SLC12A9: variants seen among roughly 807,000 people sequenced by gnomAD.
SLC12A9 encodes solute carrier family 12 member 9.
SLC12A9 carries 55 observed loss-of-function variants against 66.0 expected under a neutral mutation model. The observed-to-expected ratio is 0.83, with a 90% CI of 0.67 to 1.04. SLC12A9 has a LOEUF of 1.04. SLC12A9 is among the 50% of genes least tolerant of loss of function. SLC12A9 has a pLI of 0.00. For synonymous variants in SLC12A9, 577 were observed against 569.0 expected (o/e 1.01, Z -0.20); for missense variants, 1,061 against 1,241.9 (o/e 0.85, Z 2.19).
At position 100,861,346 on chromosome 7, in the gene SLC12A9, G is replaced by A. The variant is rs1187149054; in HGVS notation, c.1344-46G>A. Reference sequence around the variant, plus strand: ...GGGGCTGGGGACTGCAGCCTCGTGTGCGGCCTGCCCTGAGTTTCTGTCCCT... The same window carrying A: ...GGGGCTGGGGACTGCAGCCTCGTGTACGGCCTGCCCTGAGTTTCTGTCCCT... On this transcript the variant is annotated intron_variant, in intron 10 of 13. Transcript: ENST00000354161. This position sits in a 1 kb window ranked among gnomAD's most constrained non-coding sequence, Gnocchi z 5.3. The A allele has an allele frequency of 2.5e-6, 4 of 1,611,488 alleles. No individual in the cohort carries two copies. Among genetic ancestry groups the A allele is most frequent in the South Asian group, 2.2e-5 (2 of 91,034 alleles).
chr7:100,827,584 A>T (rs1313105933), intron 1 of SLC12A9: 1 of 152,352 alleles, frequency 6.6e-6, no homozygotes, highest in Non-Finnish European at 1.5e-5. Context: ...CAGCTCTCCC[A>T]ACGCGGGGGC....
chr7:100,839,208 C>G (rs1176599798), intron 1 of SLC12A9, among the ~76,000 whole-genome samples: 1 of 152,062 alleles, frequency 6.6e-6, no homozygotes, highest in Non-Finnish European at 1.5e-5. Flanking sequence ...GCCTGTAGTC[C>G]CAGCTACTCA....
chr7:100,856,760 C>T, intron 4 of SLC12A9, 108 bp from the exon 5 acceptor site: 1 of 1,129,168 alleles, frequency 8.9e-7, no homozygotes, highest in South Asian at 1.5e-5. Context: ...AATCCTCCCA[C>T]CTCGGCCTCC....
At chr7:100,854,504 G>T in intron 2 of SLC12A9, 116 bp from the exon 3 acceptor site, 1 of 1,595,512 alleles carries the variant, frequency 6.3e-7, no homozygotes. Context: ...TGAAGGGTTT[G>T]GGGAGGGGCT....
intron 1 of SLC12A9, among the ~76,000 whole-genome samples, chr7:100,843,300 T>A (rs574899899): frequency 2.6e-5 from 4 of 152,372 alleles, no homozygotes; most frequent in Admixed American, 6.5e-5. Context: ...CCATGAGGAA[T>A]ACCAGATCAA....
chr7:100,829,521 G>T (rs963532581), intron 1 of SLC12A9, among the ~76,000 whole-genome samples: 15 of 151,950 alleles, frequency 9.9e-5, no homozygotes. Flanking sequence ...GTTGGGGGGG[G>T]TGGGCCGGTC....
Position 100,861,655 on chromosome 7 carries a change from T to A in SLC12A9, c.1536+71T>A. Reference sequence around the variant, plus strand: ...GAACCCCCTCTCTCTTTGGCTGGAGTTGGTGCTCCCGTCCAGGAGGCGCTG... The same window carrying A: ...GAACCCCCTCTCTCTTTGGCTGGAGATGGTGCTCCCGTCCAGGAGGCGCTG... On this transcript the variant is annotated intron_variant, in intron 11 of 13. Transcript: ENST00000354161. The surrounding 1 kb of genome is among the most constrained non-coding windows in gnomAD (Gnocchi z 5.3). 1 of 1,607,364 alleles carries A rather than the reference T, an allele frequency of 6.2e-7. No individual in the cohort carries two copies. Among genetic ancestry groups the A allele is most frequent in the Non-Finnish European group, 8.5e-7 (1 of 1,174,596 alleles).
chr7:100,858,591 A>T, intron 5 of SLC12A9: 1 of 401,410 alleles, frequency 2.5e-6, no homozygotes. Context: ...CCCTGTCTCT[A>T]AAAAATAAAT....
At chr7:100,860,628 G>A (rs1814689082) in intron 9 of SLC12A9, 1 of 361,324 alleles carries the variant, frequency 2.8e-6, no homozygotes, top group African/African-American at 2.1e-5. Flanking sequence ...TACTTTGGAG[G>A]TTTGGTGGCA....
At chr7:100,856,023 C>A in intron 4 of SLC12A9, 186 bp downstream of exon 4, 1 of 860,794 alleles carries the variant, frequency 1.2e-6, no homozygotes, top group Non-Finnish European at 1.6e-6. Context: ...TCCTTGCCTG[C>A]AGGGAGCTAA....
intron 1 of SLC12A9, among the ~76,000 whole-genome samples, chr7:100,845,208 G>A (rs907145920): frequency 1.3e-5 from 2 of 150,696 alleles, no homozygotes; most frequent in Admixed American, 1.3e-4. Flanking sequence ...TTCCAAAGTT[G>A]CGGACCGTTT....
intron 1 of SLC12A9, among the ~76,000 whole-genome samples, chr7:100,830,385 TCATCTTAGTGGGG>T (rs1192271359): frequency 6.6e-6 from 1 of 151,346 alleles, no homozygotes; most frequent in Non-Finnish European, 1.5e-5. Context: ...TAGAAAACAC[TCATCTTAGTGGGG>T]CACAGTGACT....
intron 13 of SLC12A9, among the ~76,000 whole-genome samples, chr7:100,864,622 C>G: frequency 6.6e-6 from 1 of 152,164 alleles, no homozygotes; most frequent in East Asian, 1.9e-4. Flanking sequence ...GTGGTTGCCA[C>G]GTGCCCAGCT....
At chr7:100,858,460 C>T (rs1022853845) in intron 5 of SLC12A9, 2 of 171,902 alleles carry the variant, frequency 1.2e-5, no homozygotes, top group African/African-American at 4.8e-5. Flanking sequence ...CATGGTGGTG[C>T]ACACCTGTAG....
intron 5 of SLC12A9, 23 bp from the exon 6 acceptor site, chr7:100,858,812 C>T (rs764097508): frequency 1.9e-6 from 3 of 1,612,446 alleles, no homozygotes; most frequent in East Asian, 2.2e-5. Flanking sequence ...GATGCACTCT[C>T]CTCCCTGGGA....
At chr7:100,836,093 C>CA (rs1471349526) in intron 1 of SLC12A9, among the ~76,000 whole-genome samples, 1 of 152,218 alleles carries the variant, frequency 6.6e-6, no homozygotes, top group Non-Finnish European at 1.5e-5. Flanking sequence ...CAAGCCCCCC[C>CA]ATGCCAGCAG....
intron 1 of SLC12A9, among the ~76,000 whole-genome samples, chr7:100,844,502 C>T (rs1813861980): frequency 6.6e-6 from 1 of 152,118 alleles, no homozygotes; most frequent in African/African-American, 2.4e-5. Context: ...AGGTGTAGTT[C>T]TCTTAATTAG....
intron 1 of SLC12A9, among the ~76,000 whole-genome samples, chr7:100,829,651 C>T (rs1022675545): frequency 6.6e-6 from 1 of 152,084 alleles, no homozygotes; most frequent in Non-Finnish European, 1.5e-5. Context: ...GCTTCTCCCT[C>T]GGGGTTCTCT....
intron 4 of SLC12A9, chr7:100,856,515 CTTTT>C: frequency 1.1e-5 from 1 of 90,772 alleles, no homozygotes; most frequent in Non-Finnish European, 2.6e-5. Flanking sequence ...GCCCCTTCTT[CTTTT>C]TTTTTTTTTT....
Sources: allele counts gnomAD v4.1 joint callset (sites outside exome capture counted in the v4.1 genomes callset), GRCh38; gene constraint gnomAD v4.1.1; non-coding constraint Gnocchi (gnomAD v3.1); transcripts MANE v1.5; gene names NCBI Gene and HGNC (gene_info 2026-07-23, HGNC 2026-07-21).